The following CSNK2A2 variants were observed in gnomAD, a reference collection of about 807,000 sequenced individuals.
CSNK2A2 encodes casein kinase II subunit alpha'.
CSNK2A2 carries 8 observed loss-of-function variants against 54.0 expected under a neutral mutation model. The observed-to-expected ratio is 0.15, with a 90% CI of 0.09 to 0.27. CSNK2A2 has a LOEUF of 0.27. Among genes scored for constraint, CSNK2A2 ranks in the 10% least tolerant of loss-of-function variants. The pLI is 1.00. For missense variants in CSNK2A2, 242 were observed against 439.4 expected (o/e 0.55, Z 4.02); for synonymous variants, 141 against 153.9 (o/e 0.92, Z 0.62).
chr16:58,166,514 TG>T, intron 9 of CSNK2A2, 69 bp downstream of exon 9: 1 of 1,001,470 alleles, frequency 1.0e-6, no homozygotes, highest in Non-Finnish European at 1.6e-6. Flanking sequence ...GAAAAGAAAG[TG>T]ATTTTGGCTA....
intron 10 of CSNK2A2, 92 bp from the exon 11 acceptor site, chr16:58,164,239 C>G: frequency 1.7e-6 from 2 of 1,176,804 alleles, no homozygotes; most frequent in Non-Finnish European, 2.5e-6. Context: ...GAAAGAGAGA[C>G]AGACTGATGG....
At chr16:58,175,233 A>T (rs1302423528) in intron 4 of CSNK2A2, among the ~76,000 whole-genome samples, 1 of 152,214 alleles carries the variant, frequency 6.6e-6, no homozygotes, top group African/African-American at 2.4e-5. Context: ...GGGAGTTTTT[A>T]AAAAATTTCT....
rs978091382 is a variant in CSNK2A2 at position 58,197,079 on chromosome 16, G to A, written c.105-235C>T. ...TGGGAAGATGGGGCAGGAAGGCAAC[G>A]CTCTGAGCCAATCCAGAGGGGCGAG... On this transcript the variant is annotated intron_variant, in intron 1 of 11. Transcript: ENST00000262506. The surrounding 1 kb of genome is among the most constrained non-coding windows in gnomAD (Gnocchi z 4.0). 1.6e-5 allele frequency: 8 copies of A among 493,870 alleles called. No homozygotes were observed. Among genetic ancestry groups the A allele is most frequent in the Admixed American group, 6.4e-5 (2 of 31,090 alleles). The allele number at this position is 493,870 out of a possible 1,614,324, so 30.6% of individuals were successfully genotyped here.
chr16:58,163,984 C>T, intron 11 of CSNK2A2, 70 bp downstream of exon 11: 2 of 1,182,250 alleles, frequency 1.7e-6, no homozygotes, highest in South Asian at 1.3e-5. Flanking sequence ...CTTTTTATCA[C>T]ACTGTAGTTT....
intron 11 of CSNK2A2, chr16:58,163,253 C>CAAAAAAAAA (rs55808367): frequency 4.5e-5 from 3 of 66,598 alleles, no homozygotes; most frequent in African/African-American, 1.4e-4. Context: ...ACAAGGCTGC[C>CAAAAAAAAA]AAAAAAAAAA....
At position 58,164,121 on chromosome 16, in the gene CSNK2A2, G is replaced by A. The variant is rs777939766; in HGVS notation, c.1003C>T (p.Pro335Ser). ...GAAAGCACAGCATTGTCTGCACAAGGCTGGGACTGCTCCTTCACCACAGGG... is the reference window on the plus strand; with the variant it reads ...GAAAGCACAGCATTGTCTGCACAAGACTGGGACTGCTCCTTCACCACAGGG... ...FYPVVKEQSQ[P>S]CADNAVLSSG... is the part of the protein sequence containing the mutation. Residue 335 changes from proline to serine, a missense_variant, in exon 11 of 12, where the codon CCT becomes TCT. Physicochemically the swap from Pro to Ser is moderately conservative, Grantham distance 74 (BLOSUM62 -1). Coordinates refer to ENST00000262506, the MANE Select transcript of CSNK2A2 (RefSeq NM_001896.4). 6.2e-7 allele frequency: 1 copy of A among 1,613,952 alleles called. No individual in the cohort carries two copies. Among genetic ancestry groups the A allele is most frequent in the South Asian group, 1.1e-5 (1 of 91,020 alleles).
chr16:58,161,644 G>A (rs969706456), intron 11 of CSNK2A2: 3 of 151,892 alleles, frequency 2.0e-5, no homozygotes, highest in Non-Finnish European at 2.9e-5. Flanking sequence ...TTAAAATTTC[G>A]GGGGAGCTAG....
rs1406569841 is a variant in CSNK2A2 at position 58,197,602 on chromosome 16, C to G, written c.104+31G>C. On this transcript the variant is annotated intron_variant, in intron 1 of 11. Transcript: ENST00000262506. The surrounding 1 kb of genome is among the most constrained non-coding windows in gnomAD (Gnocchi z 4.0). Reference sequence around the variant, plus strand: ...GTGGCCGGGCGGGGGCAGGGATCAGCGGGCCCGGCGGGGGGCGGCGACGGC... The same window carrying G: ...GTGGCCGGGCGGGGGCAGGGATCAGGGGGCCCGGCGGGGGGCGGCGACGGC... The G allele has an allele frequency of 6.9e-7, 1 of 1,454,804 alleles. No homozygotes were observed. Among genetic ancestry groups the G allele is most frequent in the African/African-American group, 1.5e-5 (1 of 68,226 alleles). 90.1% of individuals were successfully genotyped at this position (1,454,804 alleles called of 1,614,324 possible).
intron 5 of CSNK2A2, among the ~76,000 whole-genome samples, chr16:58,171,305 C>T (rs1333613397): frequency 2.0e-5 from 3 of 152,038 alleles, no homozygotes; most frequent in Non-Finnish European, 4.4e-5. Flanking sequence ...GGGCAGATCA[C>T]GAGGTCAGGA....
intron 4 of CSNK2A2, among the ~76,000 whole-genome samples, chr16:58,177,516 C>T (rs150600866): frequency 0.013 from 1,950 of 152,290 alleles, 29 homozygotes; most frequent in Middle Eastern, 0.051. Flanking sequence ...TCACTGCTAC[C>T]GTAGGCATAC....
chr16:58,189,113 C>T (rs1450566890), intron 2 of CSNK2A2, among the ~76,000 whole-genome samples: 3 of 151,956 alleles, frequency 2.0e-5, no homozygotes, highest in South Asian at 2.1e-4. Flanking sequence ...TGTGCCACCA[C>T]GCCCAGCTAA....
At chr16:58,166,498 G>T in intron 9 of CSNK2A2, 86 bp downstream of exon 9, 1 of 857,460 alleles carries the variant, frequency 1.2e-6, no homozygotes, top group Non-Finnish European at 1.9e-6. Context: ...ACTATAATCA[G>T]AATGGGAAAA....
chr16:58,185,314 G>GT (rs1351950858), intron 3 of CSNK2A2, among the ~76,000 whole-genome samples: 19 of 152,204 alleles, frequency 1.2e-4, no homozygotes, highest in Non-Finnish European at 2.5e-4. Flanking sequence ...GCCCGAAGCT[G>GT]TAAGGGTTTC....
chr16:58,165,801 T>C, intron 9 of CSNK2A2, 93 bp from the exon 10 acceptor site: 1 of 1,343,136 alleles, frequency 7.4e-7, no homozygotes, highest in East Asian at 2.4e-5. Flanking sequence ...CTCAGAATAA[T>C]GTACTGATTA....
At chr16:58,171,695 T>C (rs1055525374) in intron 5 of CSNK2A2, among the ~76,000 whole-genome samples, 2 of 151,982 alleles carry the variant, frequency 1.3e-5, no homozygotes, top group Non-Finnish European at 2.9e-5. Context: ...GGAAATATTC[T>C]ATTCCTGCAC....
intron 11 of CSNK2A2, chr16:58,160,621 T>G (rs1961312876): frequency 6.6e-6 from 1 of 152,280 alleles, no homozygotes; most frequent in East Asian, 1.9e-4. Flanking sequence ...GCACCACCTT[T>G]CAGTCCACTG....
intron 2 of CSNK2A2, among the ~76,000 whole-genome samples, chr16:58,192,215 A>G (rs771936989): frequency 6.6e-6 from 1 of 152,074 alleles, no homozygotes; most frequent in Non-Finnish European, 1.5e-5. Context: ...CATTTACAGC[A>G]CTTCCTACAC....
At chr16:58,172,697 C>A (rs1961775387) in intron 5 of CSNK2A2, among the ~76,000 whole-genome samples, 2 of 152,208 alleles carry the variant, frequency 1.3e-5, no homozygotes, top group South Asian at 2.1e-4. Flanking sequence ...TATGGAGTTA[C>A]TGACATGCTT....
At chr16:58,185,025 G>A (rs1962153440) in intron 3 of CSNK2A2, among the ~76,000 whole-genome samples, 2 of 152,012 alleles carry the variant, frequency 1.3e-5, no homozygotes, top group Non-Finnish European at 2.9e-5. Context: ...GAGTACAAAA[G>A]TGCTCAATAT....
Sources: gnomAD v4.1 joint callset for allele counts (sites outside exome capture counted in the v4.1 genomes callset) on GRCh38, gnomAD v4.1.1 for gene constraint, Gnocchi (gnomAD v3.1) non-coding constraint, MANE v1.5 for transcripts, NCBI Gene and HGNC (gene_info 2026-07-23, HGNC 2026-07-21) for gene names.